The following GNAQ variants were observed in gnomAD, a reference collection of about 807,000 sequenced individuals.
GNAQ encodes G protein subunit alpha q, also known as guanine nucleotide-binding protein G(q) subunit alpha.
Under a neutral mutation model 43.9 loss-of-function variants are expected in GNAQ, and 8 were observed. The observed-to-expected ratio is 0.18, with a 90% confidence interval of 0.11 to 0.33. The LOEUF is 0.33. Ranked by LOEUF, GNAQ falls within the 10% of genes least tolerant of loss-of-function variation. GNAQ has a pLI of 1.00. For synonymous variants in GNAQ, 155 were observed against 170.7 expected, an observed-to-expected ratio of 0.91 and a Z score of 0.71; for missense variants, 158 against 450.8, an observed-to-expected ratio of 0.35 and a Z score of 5.88.
intron 2 of GNAQ, among the ~76,000 whole-genome samples, chr9:77,915,760 C>G (rs1318448273): frequency 6.6e-6 from 1 of 152,160 alleles, no homozygotes; most frequent in African/African-American, 2.4e-5. Flanking sequence ...TTACTTCTTT[C>G]CACTCCAGAA....
intron 1 of GNAQ, among the ~76,000 whole-genome samples, chr9:77,987,889 A>G (rs1286175646): frequency 6.6e-6 from 1 of 151,978 alleles, no homozygotes; most frequent in Non-Finnish European, 1.5e-5. Flanking sequence ...TACTAAAAAC[A>G]CCTAGGAAGA....
intron 2 of GNAQ, among the ~76,000 whole-genome samples, chr9:77,917,951 T>C (rs1302859144): frequency 6.6e-6 from 1 of 152,174 alleles, no homozygotes; most frequent in Non-Finnish European, 1.5e-5. Context: ...TTATGCAATC[T>C]GTTGACAAAG....
chr9:77,765,261 C>T (rs181390504), intron 5 of GNAQ, among the ~76,000 whole-genome samples: 184 of 152,228 alleles, frequency 1.2e-3, no homozygotes, highest in Non-Finnish European at 2.1e-3. Flanking sequence ...AATCTATCTT[C>T]TTATTAAGAC....
intron 5 of GNAQ, among the ~76,000 whole-genome samples, chr9:77,764,754 C>T (rs886467630): frequency 1.3e-5 from 2 of 152,074 alleles, no homozygotes; most frequent in South Asian, 2.1e-4. Flanking sequence ...CGCGCCCAGC[C>T]GAAAAGACTT....
chr9:77,976,402 G>GT (rs565543727), intron 1 of GNAQ, among the ~76,000 whole-genome samples: 29 of 150,912 alleles, frequency 1.9e-4, no homozygotes, highest in East Asian at 7.8e-4. Context: ...TTTTGTTTTT[G>GT]TTTTTTTTGA....
chr9:77,801,812 T>G (rs1217907636), intron 3 of GNAQ, among the ~76,000 whole-genome samples: 1 of 152,184 alleles, frequency 6.6e-6, no homozygotes, highest in African/African-American at 2.4e-5. Context: ...GAGTAAAATC[T>G]GGGAAGCTAC....
intron 1 of GNAQ, among the ~76,000 whole-genome samples, chr9:77,967,117 G>A (rs1264323994): frequency 3.3e-5 from 5 of 152,218 alleles, no homozygotes; most frequent in Non-Finnish European, 5.9e-5. Context: ...GAAATCTAAC[G>A]TGTAGGTGAA....
At chr9:77,933,837 G>A (rs916444663) in intron 1 of GNAQ, among the ~76,000 whole-genome samples, 12 of 151,946 alleles carry the variant, frequency 7.9e-5, no homozygotes, top group African/African-American at 2.4e-4. Flanking sequence ...AATAAAAAAC[G>A]TGACACACGC....
At chr9:77,826,779 A>G (rs1271663013) in intron 2 of GNAQ, among the ~76,000 whole-genome samples, 3 of 152,244 alleles carry the variant, frequency 2.0e-5, no homozygotes, top group African/African-American at 7.2e-5. Flanking sequence ...TATACAAAAC[A>G]GTATAGTAAT....
chr9:77,923,639 T>C (rs1173946531), intron 1 of GNAQ, among the ~76,000 whole-genome samples: 1 of 152,104 alleles, frequency 6.6e-6, no homozygotes, highest in Non-Finnish European at 1.5e-5. Flanking sequence ...GTCTTTACCT[T>C]ACCCCAAAAA....
At chr9:77,906,675 T>C (rs1828714944) in intron 2 of GNAQ, among the ~76,000 whole-genome samples, 1 of 152,248 alleles carries the variant, frequency 6.6e-6, no homozygotes, top group South Asian at 2.1e-4. Context: ...AATTAATTTA[T>C]GGGAAATGTA....
At chr9:77,768,928 C>A (rs1405426141) in intron 5 of GNAQ, among the ~76,000 whole-genome samples, 1 of 152,124 alleles carries the variant, frequency 6.6e-6, no homozygotes, top group Non-Finnish European at 1.5e-5. Context: ...TAAACTCACT[C>A]TGATAACAAA....
chr9:77,850,552 A>G (rs1413467881), intron 2 of GNAQ, among the ~76,000 whole-genome samples: 3 of 152,090 alleles, frequency 2.0e-5, no homozygotes, highest in Non-Finnish European at 4.4e-5. Flanking sequence ...CACATCACTC[A>G]CCTGCTTAAA....
intron 2 of GNAQ, among the ~76,000 whole-genome samples, chr9:77,891,769 A>C (rs1329403282): frequency 6.6e-6 from 1 of 152,224 alleles, no homozygotes; most frequent in Non-Finnish European, 1.5e-5. Context: ...AACTGTGTGC[A>C]GTGCTTGCTG....
At chr9:77,908,613 T>G (rs1055919612) in intron 2 of GNAQ, among the ~76,000 whole-genome samples, 4 of 152,214 alleles carry the variant, frequency 2.6e-5, no homozygotes, top group African/African-American at 9.7e-5. Flanking sequence ...AAGTGAATAC[T>G]ATTATCTCCT....
intron 5 of GNAQ, among the ~76,000 whole-genome samples, chr9:77,770,486 A>T (rs764725650): frequency 6.6e-6 from 1 of 152,324 alleles, no homozygotes; most frequent in Non-Finnish European, 1.5e-5. Context: ...GCTTATTATT[A>T]GTGTCAACAA....
intron 3 of GNAQ, among the ~76,000 whole-genome samples, chr9:77,809,117 C>G (rs1263577756): frequency 6.6e-6 from 1 of 152,108 alleles, no homozygotes; most frequent in Non-Finnish European, 1.5e-5. Flanking sequence ...TCATCAGACT[C>G]AAAAAATGTA....
rs1246754086 is a variant in GNAQ at position 77,791,462 on chromosome 9, C to G, written c.735+3001G>C. ...GTGTGTTATCACAGGGAAAATAAGA[C>G]AGCAAAGGGAATACACACATCAATA... On this transcript the variant is annotated intron_variant, in intron 5 of 6. Transcript: ENST00000286548. Among the ~76,000 whole-genome samples the G allele has an allele frequency of 2.0e-5, 3 of 152,118 alleles. No homozygotes were observed. In the East Asian group the frequency reaches 5.8e-4, roughly 29 times the overall value.
intron 5 of GNAQ, among the ~76,000 whole-genome samples, chr9:77,773,076 A>G (rs1430413772): frequency 6.6e-6 from 1 of 152,236 alleles, no homozygotes; most frequent in Non-Finnish European, 1.5e-5. Context: ...TCTTAAAAAT[A>G]TTGTTTTCAG....
Sources: allele counts gnomAD v4.1 joint callset (sites outside exome capture counted in the v4.1 genomes callset), GRCh38; gene constraint gnomAD v4.1.1; transcripts MANE v1.5; gene names NCBI Gene and HGNC (gene_info 2026-07-23, HGNC 2026-07-21).